The following CRYBG1 variants were observed in gnomAD, a reference collection of about 807,000 sequenced individuals.
CRYBG1 encodes crystallin beta-gamma domain containing 1.
Under a neutral mutation model 189.2 loss-of-function variants are expected in CRYBG1, and 139 were observed. The ratio of observed to expected loss-of-function variants is 0.73; its 90% CI spans 0.64 to 0.85. The LOEUF is 0.85. CRYBG1 is among the 40% of genes least tolerant of loss of function. The probability of loss-of-function intolerance (pLI) is 0.00; values close to 1 mark genes in which losing one functional copy is unlikely to be tolerated. For missense variants in CRYBG1, 2,611 were observed against 2,675.8 expected (o/e 0.98, Z 0.53); for synonymous variants, 1,023 against 1,017.1 (o/e 1.01, Z -0.11).
At chr6:106,501,002 G>A (rs1756255190) in intron 2 of CRYBG1, among the ~76,000 whole-genome samples, 1 of 152,122 alleles carries the variant, frequency 6.6e-6, no homozygotes, top group Admixed American at 6.5e-5. Flanking sequence ...ATAGGCTGGA[G>A]GATAAAGGAT....
chr6:106,455,431 C>T (rs1342592473), intron 2 of CRYBG1, among the ~76,000 whole-genome samples: 3 of 150,616 alleles, frequency 2.0e-5, no homozygotes, highest in Admixed American at 2.0e-4. Flanking sequence ...CTTGATTCCA[C>T]TATGAGGAGG....
intron 1 of CRYBG1, among the ~76,000 whole-genome samples, chr6:106,423,515 G>T (rs1333819657): frequency 6.6e-6 from 1 of 151,896 alleles, no homozygotes; most frequent in Non-Finnish European, 1.5e-5. Context: ...TAACATTTAT[G>T]CTATTTATGT....
chr6:106,502,260 A>G (rs1397954611), intron 2 of CRYBG1, among the ~76,000 whole-genome samples: 1 of 152,238 alleles, frequency 6.6e-6, no homozygotes, highest in Non-Finnish European at 1.5e-5. Context: ...TAAAGTAACC[A>G]TTCTTGATCT....
chr6:106,501,796 A>G (rs1773016215), intron 2 of CRYBG1, among the ~76,000 whole-genome samples: 1 of 152,248 alleles, frequency 6.6e-6, no homozygotes, highest in Admixed American at 6.5e-5. Context: ...CTCACTAGAA[A>G]CTACAGGAAA....
chr6:106,545,057 T>C, intron 13 of CRYBG1, 124 bp downstream of exon 13: 1 of 777,330 alleles, frequency 1.3e-6, no homozygotes, highest in Non-Finnish European at 2.0e-6. Context: ...TAACATTAAA[T>C]CAGTCATTTA....
intron 1 of CRYBG1, among the ~76,000 whole-genome samples, chr6:106,367,738 A>G (rs1772033827): frequency 6.8e-6 from 1 of 148,122 alleles, no homozygotes; most frequent in Non-Finnish European, 1.5e-5. Flanking sequence ...CTGAGACAGG[A>G]GGATTGCTTG....
intron 2 of CRYBG1, among the ~76,000 whole-genome samples, chr6:106,491,771 A>G (rs73515121): frequency 0.092 from 14,030 of 151,868 alleles, 719 homozygotes; most frequent in African/African-American, 0.13. Context: ...TTTCTCCAAC[A>G]CTGCTGCAGA....
chr6:106,464,355 T>C (rs893153051), intron 2 of CRYBG1, among the ~76,000 whole-genome samples: 2 of 152,086 alleles, frequency 1.3e-5, no homozygotes, highest in African/African-American at 2.4e-5. Context: ...TAGCCGGGCA[T>C]GTTGGTGCGC....
At position 106,361,034 on chromosome 6, in the gene CRYBG1, TG is replaced by T. The variant is rs1562285216; in HGVS notation, c.130del (p.Val44CysfsTer19). On this transcript the variant is annotated frameshift_variant, in exon 1 of 22. Transcript: ENST00000633556. LOFTEE classifies it high-confidence loss of function. ...KKQQPAPPDC[G>X]VFVPHPLPAP... ...AGCAGCAGCCGGCGCCGCCTGACTGTGGGGTGTTCGTTCCGCACCCGCTCCC... is the reference window on the plus strand; with the variant it reads ...AGCAGCAGCCGGCGCCGCCTGACTGTGGGTGTTCGTTCCGCACCCGCTCCC... The T allele has an allele frequency of 2.0e-6, 3 of 1,534,838 alleles. No individual in the cohort carries two copies. The African/African-American group carries it at 4.1e-5, about 21-fold the overall frequency.
intron 1 of CRYBG1, among the ~76,000 whole-genome samples, chr6:106,429,013 T>A (rs1771277449): frequency 6.6e-6 from 1 of 152,262 alleles, no homozygotes; most frequent in Non-Finnish European, 1.5e-5. Context: ...CACTTGGTAT[T>A]AGAACAACTT....
Position 106,512,425 on chromosome 6 carries a change from G to C in CRYBG1, c.1308G>C (p.Glu436Asp), listed in dbSNP as rs374266954. 7 of 1,609,248 alleles carry C rather than the reference G, an allele frequency of 4.3e-6. No individual in the cohort carries two copies. Among genetic ancestry groups the C allele is most frequent in the Non-Finnish European group, 5.9e-6 (7 of 1,178,530 alleles). Residue 436 changes from glutamate (E) to aspartate (D), a missense_variant, in exon 3 of 22, where the codon GAG becomes GAC. Coordinates refer to ENST00000633556, the MANE Select transcript of CRYBG1 (RefSeq NM_001371242.2). ...KSTDSPGADAELPESAARDDA... is the reference protein window; with the variant it reads ...KSTDSPGADADLPESAARDDA... The stretch of plus-strand genomic sequence containing the variant: ...CCGACTCCCCCGGCGCGGACGCCGA[G>C]CTCCCTGAGAGCGCTGCCAGGGACG...
intron 21 of CRYBG1, among the ~76,000 whole-genome samples, chr6:106,564,705 AATAAC>A (rs1774826247): frequency 6.6e-6 from 1 of 152,198 alleles, no homozygotes. Context: ...GTCATTTAAA[AATAAC>A]ATAAGAATGA....
intron 2 of CRYBG1, among the ~76,000 whole-genome samples, chr6:106,480,886 G>A (rs1298870212): frequency 7.0e-6 from 1 of 142,294 alleles, no homozygotes; most frequent in Admixed American, 6.9e-5. Context: ...CATGAGAAGC[G>A]CTTGAACCTG....
At chr6:106,468,842 C>T (rs932109418) in intron 2 of CRYBG1, among the ~76,000 whole-genome samples, 2 of 152,176 alleles carry the variant, frequency 1.3e-5, no homozygotes, top group South Asian at 2.1e-4. Context: ...AGACAAAACA[C>T]GACATTGTAA....
At chr6:106,361,408 G>A (rs565412429) in intron 1 of CRYBG1, among the ~76,000 whole-genome samples, 2 of 152,314 alleles carry the variant, frequency 1.3e-5, no homozygotes, top group South Asian at 4.1e-4. Context: ...GGTTGTTACC[G>A]TCCTAAATGA....
In CRYBG1 at chr6:106,543,489, A is replaced by G. The variant is rs763402242; in HGVS notation, c.4931A>G (p.Glu1644Gly). The G allele has an allele frequency of 6.2e-7, 1 of 1,614,080 alleles. No homozygotes were observed. Among genetic ancestry groups the G allele is most frequent in the Non-Finnish European group, 8.5e-7 (1 of 1,179,942 alleles). ...TTTGAAGGAAAATGTGTGGAACTAG[A>G]AACAGGAATGTGTAGTTTTGTCATG... Reference protein sequence around the residue: ...PFFEGKCVELETGMCSFVMEG... With the variant: ...PFFEGKCVELGTGMCSFVMEG... Residue 1644 changes from glutamate to glycine, a missense_variant, in exon 11 of 22, where the codon GAA (glutamate) becomes GGA (glycine). Physicochemically the swap from Glu to Gly is moderately conservative, Grantham distance 98. Around this residue, in one of 3 missense-constraint regions of CRYBG1, gnomAD observed 1,622 missense variants for 1,735.0 expected, o/e 0.93. Transcript: ENST00000633556.
chr6:106,476,867 A>G (rs568247748), intron 2 of CRYBG1, among the ~76,000 whole-genome samples: 57 of 152,224 alleles, frequency 3.7e-4, no homozygotes, highest in Non-Finnish European at 7.5e-4. Flanking sequence ...GCTCAGGTTC[A>G]AATCCTAGCA....
chr6:106,558,388 G>T (rs902996029), intron 17 of CRYBG1, 98 bp from the exon 18 acceptor site: 7 of 1,096,078 alleles, frequency 6.4e-6, no homozygotes, highest in South Asian at 1.7e-5. Flanking sequence ...AAATCTAGCA[G>T]ATTTTTTGTG....
chr6:106,361,195 G>C lies in CRYBG1; in HGVS notation c.173+114G>C, dbSNP rs1771861062. On this transcript the variant is annotated intron_variant, in intron 1 of 21. Coordinates refer to ENST00000633556, the MANE Select transcript of CRYBG1 (RefSeq NM_001371242.2). The stretch of plus-strand genomic sequence containing the variant: ...GGAGGAGGGGAAAGCCCCGGGGTCT[G>C]TTTCAGTCCGCAGGAGGGTACCCGG... 3.9e-6 allele frequency: 5 copies of C among 1,284,496 alleles called. No homozygotes were observed. In the South Asian group the frequency reaches 7.8e-5, roughly 20 times the overall value. 79.6% of individuals were successfully genotyped at this position (1,284,496 alleles called of 1,614,324 possible). A position where few individuals can be genotyped will look rare whatever the true frequency, so the allele number is the denominator to read the frequency against.
Sources: allele counts gnomAD v4.1 joint callset (sites outside exome capture counted in the v4.1 genomes callset), GRCh38; gene constraint gnomAD v4.1.1; regional missense constraint gnomAD v4.1.1; transcripts MANE v1.5; gene names NCBI Gene and HGNC (gene_info 2026-07-23, HGNC 2026-07-21).